AUTS2: variants seen among roughly 807,000 people sequenced by gnomAD.
AUTS2 encodes the protein autism susceptibility gene 2 protein.
Under a neutral mutation model 112.4 loss-of-function variants are expected in AUTS2, and 17 were observed. The observed-to-expected ratio is 0.15, with a 90% CI of 0.10 to 0.23. AUTS2 has a LOEUF of 0.23. AUTS2 is among the 10% of genes least tolerant of loss of function. The pLI is 1.00. For synonymous variants in AUTS2, 751 were observed against 702.7 expected (o/e 1.07, Z -1.09); for missense variants, 1,510 against 1,701.6 (o/e 0.89, Z 1.98).
chr7:70,020,733 C>T (rs895301956), intron 2 of AUTS2, among the ~76,000 whole-genome samples: 1 of 151,822 alleles, frequency 6.6e-6, no homozygotes, highest in Admixed American at 6.6e-5. Flanking sequence ...ACTCTGTTGC[C>T]CATGTAGTGG....
intron 4 of AUTS2, among the ~76,000 whole-genome samples, chr7:70,396,378 A>AT (rs112778320): frequency 0.021 from 2,969 of 143,664 alleles, 84 homozygotes; most frequent in African/African-American, 0.063. Context: ...TTATTTTGAG[A>AT]TTTTTTTTTT....
At chr7:69,967,469 C>A (rs1218091487) in intron 2 of AUTS2, among the ~76,000 whole-genome samples, 1 of 152,094 alleles carries the variant, frequency 6.6e-6, no homozygotes, top group Non-Finnish European at 1.5e-5. Flanking sequence ...CTTGGCAAGG[C>A]AGTCCTGGAG....
intron 12 of AUTS2, 179 bp downstream of exon 12, chr7:70,774,278 A>G: frequency 1.6e-6 from 1 of 613,046 alleles, no homozygotes; most frequent in African/African-American, 1.8e-5. Context: ...TCTCCTGCTC[A>G]CTGCGAGCAT....
intron 4 of AUTS2, among the ~76,000 whole-genome samples, chr7:70,267,397 T>C (rs1250052770): frequency 6.6e-6 from 1 of 152,146 alleles, no homozygotes; most frequent in Non-Finnish European, 1.5e-5. Flanking sequence ...GCAGTCTGCA[T>C]GGACATTAGT....
At chr7:70,271,510 T>G (rs1309935612) in intron 4 of AUTS2, among the ~76,000 whole-genome samples, 1 of 152,172 alleles carries the variant, frequency 6.6e-6, no homozygotes, top group Non-Finnish European at 1.5e-5. Flanking sequence ...ACCATGACAA[T>G]TTCATGCCTC....
At chr7:70,531,437 G>A (rs919895921) in intron 5 of AUTS2, among the ~76,000 whole-genome samples, 15 of 152,142 alleles carry the variant, frequency 9.9e-5, no homozygotes, top group African/African-American at 3.1e-4. Context: ...AAGAAAAGAG[G>A]TTTATTTGAC....
intron 5 of AUTS2, among the ~76,000 whole-genome samples, chr7:70,636,872 G>T (rs1805562288): frequency 6.6e-6 from 1 of 151,976 alleles, no homozygotes; most frequent in South Asian, 2.1e-4. Context: ...TGAACTCGTG[G>T]CCTCAAGTGA....
intron 4 of AUTS2, among the ~76,000 whole-genome samples, chr7:70,161,211 G>A (rs926228839): frequency 6.6e-6 from 1 of 151,884 alleles, no homozygotes; most frequent in Non-Finnish European, 1.5e-5. Flanking sequence ...CTTCCCCTGT[G>A]GGGACATCTG....
chr7:70,724,385 A>C (rs1283561487), intron 6 of AUTS2, among the ~76,000 whole-genome samples: 1 of 151,514 alleles, frequency 6.6e-6, no homozygotes, highest in Non-Finnish European at 1.5e-5. Context: ...AAATCAAGGC[A>C]TAGTGAGAAT....
intron 4 of AUTS2, among the ~76,000 whole-genome samples, chr7:70,198,483 G>C (rs1048098568): frequency 2.0e-5 from 3 of 146,738 alleles, no homozygotes; most frequent in Non-Finnish European, 3.0e-5. Context: ...AACCAATACA[G>C]AGAAGTGCTT....
At chr7:69,602,459 T>TA (rs1267001381) in intron 1 of AUTS2, among the ~76,000 whole-genome samples, 2 of 152,182 alleles carry the variant, frequency 1.3e-5, no homozygotes, top group Non-Finnish European at 2.9e-5. Flanking sequence ...AAATTAAACA[T>TA]ACAGAAGTAG....
chr7:69,861,428 C>T (rs1792978732), intron 1 of AUTS2, among the ~76,000 whole-genome samples: 1 of 152,256 alleles, frequency 6.6e-6, no homozygotes, highest in East Asian at 1.9e-4. Flanking sequence ...GTGAAAAATG[C>T]ACACACTGTA....
chr7:69,617,835 TG>T (rs1793460422), intron 1 of AUTS2, among the ~76,000 whole-genome samples: 1 of 152,144 alleles, frequency 6.6e-6, no homozygotes, highest in South Asian at 2.1e-4. Flanking sequence ...CTCCAAGAGA[TG>T]TGCTTCAAGA....
At chr7:70,000,452 G>T (rs1158324407) in intron 2 of AUTS2, among the ~76,000 whole-genome samples, 1 of 152,158 alleles carries the variant, frequency 6.6e-6, no homozygotes, top group Non-Finnish European at 1.5e-5. Flanking sequence ...ATTAAATTCA[G>T]TCACAAAACT....
chr7:70,648,596 T>C (rs1806307915), intron 5 of AUTS2, among the ~76,000 whole-genome samples: 1 of 152,064 alleles, frequency 6.6e-6, no homozygotes, highest in Non-Finnish European at 1.5e-5. Context: ...TTTCGTTTTG[T>C]TTTTTGAGAC....
At chr7:69,872,636 C>T (rs994433535) in intron 1 of AUTS2, among the ~76,000 whole-genome samples, 10 of 151,760 alleles carry the variant, frequency 6.6e-5, no homozygotes, top group Non-Finnish European at 1.5e-4. Context: ...AAGTAGGCCT[C>T]CCTTTTTTTT....
At chr7:69,693,512 G>C (rs1797432117) in intron 1 of AUTS2, among the ~76,000 whole-genome samples, 2 of 152,144 alleles carry the variant, frequency 1.3e-5, no homozygotes, top group South Asian at 4.1e-4. Context: ...GTTATTTTGG[G>C]CTGTTAATAT....
intron 4 of AUTS2, among the ~76,000 whole-genome samples, chr7:70,329,568 T>A (rs929429174): frequency 1.4e-4 from 21 of 151,066 alleles, no homozygotes; most frequent in African/African-American, 1.5e-4. Context: ...ATTTTTATAT[T>A]TTTTTTTAGA....
intron 5 of AUTS2, among the ~76,000 whole-genome samples, chr7:70,511,872 C>T (rs997629688): frequency 2.0e-5 from 3 of 152,100 alleles, no homozygotes; most frequent in Admixed American, 2.0e-4. Flanking sequence ...CCATCACATC[C>T]GGCCTGTCCT....
Sources: gnomAD v4.1 joint callset for allele counts (sites outside exome capture counted in the v4.1 genomes callset) on GRCh38, gnomAD v4.1.1 for gene constraint, MANE v1.5 for transcripts, NCBI Gene and HGNC (gene_info 2026-07-23, HGNC 2026-07-21) for gene names.